MED12L: variants seen among roughly 807,000 people sequenced by gnomAD.
MED12L encodes mediator complex subunit 12L, also known as mediator of RNA polymerase II transcription subunit 12-like protein.
MED12L carries 60 observed loss-of-function variants against 281.3 expected under a neutral mutation model. The observed-to-expected ratio is 0.21, with a 90% confidence interval of 0.17 to 0.26. MED12L has a LOEUF of 0.26. Ranked by LOEUF, MED12L falls within the 10% of genes least tolerant of loss-of-function variation. MED12L has a pLI of 1.00. For synonymous variants in MED12L, 974 were observed against 987.2 expected (o/e 0.99, Z 0.25); for missense variants, 2,146 against 2,680.9 (o/e 0.80, Z 4.41).
intron 16 of MED12L, among the ~76,000 whole-genome samples, chr3:151,305,751 G>A (rs1746554152): frequency 6.6e-6 from 1 of 151,612 alleles, no homozygotes; most frequent in Non-Finnish European, 1.5e-5. Context: ...GTGGGAGGGG[G>A]GCAGTATTGG....
chr3:151,231,254 C>T (rs1360276415), intron 16 of MED12L, among the ~76,000 whole-genome samples: 1 of 152,210 alleles, frequency 6.6e-6, no homozygotes, highest in African/African-American at 2.4e-5. Flanking sequence ...TTTGCAACCT[C>T]AGTGTGATAA....
chr3:151,314,153 A>C (rs937124), intron 16 of MED12L, among the ~76,000 whole-genome samples: 1 of 152,106 alleles, frequency 6.6e-6, no homozygotes, highest in African/African-American at 2.4e-5. Flanking sequence ...TCATTGATAT[A>C]AATGACTTAA....
chr3:151,270,815 C>T (rs1292309155), intron 16 of MED12L, among the ~76,000 whole-genome samples: 2 of 152,112 alleles, frequency 1.3e-5, no homozygotes, highest in Non-Finnish European at 2.9e-5. Context: ...ATGACTCTTG[C>T]CCTGCCACTC....
rs777316609 is a variant in MED12L, at chr3:151,338,496, A to G, written c.2251-11563A>G. The G allele has an allele frequency of 1.9e-6, 3 of 1,613,870 alleles. No individual in the cohort carries two copies. In the East Asian group the frequency reaches 6.7e-5, roughly 36 times the overall value. ...CTTCTGGTAGCGATCGATAGTTATC[A>G]GTCCCAGGAATGAAATACTGATATA... On this transcript the variant is annotated intron_variant, in intron 16 of 44. Coordinates refer to ENST00000687756, the MANE Select transcript of MED12L (RefSeq NM_001393769.1).
chr3:151,191,073 C>T (rs576316023), intron 14 of MED12L, 142 bp downstream of exon 14: 15 of 685,664 alleles, frequency 2.2e-5, no homozygotes, highest in Admixed American at 8.7e-5. Context: ...CTCTACTTCT[C>T]GAGCAGGAAA....
chr3:151,199,217 A>C, intron 16 of MED12L: 1 of 1,614,134 alleles, frequency 6.2e-7, no homozygotes, highest in Non-Finnish European at 8.5e-7. Context: ...ATCGGCTGTA[A>C]GCAAATTAAT....
At chr3:151,144,969 C>T (rs1717571461) in intron 5 of MED12L, among the ~76,000 whole-genome samples, 1 of 152,204 alleles carries the variant, frequency 6.6e-6, no homozygotes, top group Non-Finnish European at 1.5e-5. Flanking sequence ...GTAGCCTCCT[C>T]CCTACCCAGC....
intron 16 of MED12L, chr3:151,327,871 A>C (rs959533548): frequency 1.2e-5 from 9 of 723,284 alleles, no homozygotes; most frequent in African/African-American, 1.1e-4. Flanking sequence ...TTTTCTGTAC[A>C]CGAGGATAAT....
intron 5 of MED12L, among the ~76,000 whole-genome samples, chr3:151,146,311 C>T (rs1405954826): frequency 1.3e-5 from 2 of 152,160 alleles, no homozygotes; most frequent in Non-Finnish European, 2.9e-5. Flanking sequence ...AAATGTCACA[C>T]GCTGCCATTT....
At chr3:151,327,948 G>C (rs375255769) in intron 16 of MED12L, 2 of 1,327,202 alleles carry the variant, frequency 1.5e-6, no homozygotes, top group Non-Finnish European at 1.0e-6. Flanking sequence ...CATTATCTAC[G>C]GAAGTCTCAT....
chr3:151,400,731 T>A (rs1325783329), intron 39 of MED12L, among the ~76,000 whole-genome samples: 1 of 152,196 alleles, frequency 6.6e-6, no homozygotes, highest in Admixed American at 6.5e-5. Flanking sequence ...CGGTAATTGA[T>A]CTCCCACCCT....
At chr3:151,363,039 ACTC>A (rs1164677585) in intron 21 of MED12L, among the ~76,000 whole-genome samples, 1 of 151,720 alleles carries the variant, frequency 6.6e-6, no homozygotes, top group Non-Finnish European at 1.5e-5. Context: ...GACCCTTAAT[ACTC>A]CTGCAGTGTG....
chr3:151,432,052 G>A (rs1367214466), intron 44 of MED12L, among the ~76,000 whole-genome samples: 1 of 152,190 alleles, frequency 6.6e-6, no homozygotes, highest in Non-Finnish European at 1.5e-5. Flanking sequence ...CATTGTTGAA[G>A]GGTGGTGACT....
chr3:151,257,479 CCT>C (rs1444268023), intron 16 of MED12L, among the ~76,000 whole-genome samples: 3 of 152,244 alleles, frequency 2.0e-5, no homozygotes, highest in African/African-American at 7.2e-5. Flanking sequence ...CATTACTTAA[CCT>C]CTCTGTGCTT....
intron 11 of MED12L, among the ~76,000 whole-genome samples, chr3:151,176,774 T>C (rs1722101568): frequency 6.6e-6 from 1 of 152,236 alleles, no homozygotes; most frequent in Non-Finnish European, 1.5e-5. Context: ...AGCCTGAACT[T>C]ATTAAATGAG....
chr3:151,218,696 G>A (rs1245870352), intron 16 of MED12L, among the ~76,000 whole-genome samples: 1 of 151,452 alleles, frequency 6.6e-6, no homozygotes, highest in African/African-American at 2.4e-5. Context: ...ATGAAACCCT[G>A]CCTCTACTAA....
intron 16 of MED12L, among the ~76,000 whole-genome samples, chr3:151,246,823 G>A (rs1001887254): frequency 2.0e-5 from 3 of 152,166 alleles, no homozygotes; most frequent in Non-Finnish European, 4.4e-5. Flanking sequence ...TACCATCAGA[G>A]TGAACAGGCA....
chr3:151,254,287 C>T (rs1737402362), intron 16 of MED12L, among the ~76,000 whole-genome samples: 1 of 152,070 alleles, frequency 6.6e-6, no homozygotes, highest in Non-Finnish European at 1.5e-5. Context: ...TAATTATGTC[C>T]ACAATTTTTG....
rs746812746 is a variant in MED12L at position 151,122,901 on chromosome 3, G to A, written c.323G>A (p.Arg108Gln). 2.5e-6 allele frequency: 4 copies of A among 1,612,744 alleles called. No homozygotes were observed. The highest frequency in any genetic ancestry group is 2.5e-6 in the Non-Finnish European group (3 of 1,179,486). The stretch of plus-strand genomic sequence containing the variant: ...GATAATTATTGGCTGGTTACTGCTC[G>A]ATCCCAGAGTGCAATTCATAGTTGG... The part of the protein sequence containing the change: ...AKDNYWLVTA[R>Q]SQSAIHSWFS... The change falls in exon 4 of 45, where the codon CGA (arginine) becomes CAA (glutamine). Residue 108 changes from arginine (R) to glutamine (Q), a missense_variant. This residue lies in a region of MED12L where 722 missense variants were observed against 861.2 expected (regional missense o/e 0.84). Coordinates refer to ENST00000687756, the MANE Select transcript of MED12L (RefSeq NM_001393769.1).
Sources: gnomAD v4.1 joint callset for allele counts (sites outside exome capture counted in the v4.1 genomes callset) on GRCh38, gnomAD v4.1.1 for gene constraint, gnomAD v4.1.1 regional missense constraint, MANE v1.5 for transcripts, NCBI Gene and HGNC (gene_info 2026-07-23, HGNC 2026-07-21) for gene names.